MRS2: variants seen among roughly 807,000 people sequenced by gnomAD.
MRS2 encodes the protein magnesium transporter MRS2 homolog, mitochondrial.
A neutral mutation model predicts 52.6 loss-of-function variants in MRS2; 40 were observed. That is an observed-to-expected ratio of 0.76 (90% CI 0.59 to 0.99). The LOEUF (loss-of-function observed/expected upper bound fraction) is 0.99, where lower values mean the gene tolerates loss of function less well. Ranked by LOEUF, MRS2 falls within the 50% of genes least tolerant of loss-of-function variation. The probability of loss-of-function intolerance (pLI) is 0.00; values close to 1 mark genes in which losing one functional copy is unlikely to be tolerated. For missense variants in MRS2, 472 were observed against 532.7 expected, an observed-to-expected ratio of 0.89 and a Z score of 1.12; for synonymous variants, 193 against 195.9, an observed-to-expected ratio of 0.98 and a Z score of 0.13.
In MRS2 at chr6:24,418,530, A is replaced by C; in HGVS notation, c.1059A>C (p.Gly353=). 6 of 1,614,002 alleles carry C rather than the reference A, an allele frequency of 3.7e-6. No individual in the cohort carries two copies. Among genetic ancestry groups the C allele is most frequent in the Non-Finnish European group, 5.1e-6 (6 of 1,179,982 alleles). The change falls in exon 9 of 11, where the codon GGA becomes GGC. Residue 353 remains glycine (G), a synonymous_variant. Coordinates refer to ENST00000378386, the MANE Select transcript of MRS2 (RefSeq NM_020662.4). The part of the protein sequence containing the change: ...TMGTFSLSLF[G]LMGVAFGMNL... ...GAACCTTCTCTCTTTCGCTCTTTGG[A>C]CTAATGGGAGTTGCTTTTGGAATGA...
rs745803742 is a variant in MRS2 at position 24,403,094 on chromosome 6, A to G, written c.48A>G (p.Arg16=). 2 of 1,612,194 alleles carry G rather than the reference A, an allele frequency of 1.2e-6. No homozygotes were observed. The highest frequency in any genetic ancestry group is 2.2e-5 in the South Asian group (2 of 91,006). Residue 16 remains arginine (R), a synonymous_variant, in exon 1 of 11, where the codon AGA becomes AGG. Transcript: ENST00000378386. ...SLPCLLPRAM[R]LPRRTLCALA... is the part of the protein sequence containing the mutation. ...CCTGCCTCCTGCCCCGCGCGATGAG[A>G]CTTCCCCGGCGGACGCTGTGTGCCC... is the stretch of plus-strand genomic sequence containing the variant.
chr6:24,416,321 T>C lies in MRS2; in HGVS notation c.720-76T>C, dbSNP rs1581705149. 6.2e-6 allele frequency: 4 copies of C among 650,008 alleles called. No homozygotes were observed. In the East Asian group the frequency reaches 8.4e-5, roughly 14 times the overall value. 40.3% of individuals were successfully genotyped at this position (650,008 alleles called of 1,614,324 possible). ...GTATAAGATAATATATTTGATAAGA[T>C]ACTCTAAAAACACTATTATGAAATG... On this transcript the variant is annotated intron_variant, in intron 6 of 10. Coordinates refer to ENST00000378386, the MANE Select transcript of MRS2 (RefSeq NM_020662.4).
chr6:24,408,335 C>A, intron 2 of MRS2, 73 bp from the exon 3 acceptor site: 2 of 966,804 alleles, frequency 2.1e-6, no homozygotes, highest in Non-Finnish European at 3.3e-6. Context: ...AAATTCTTAA[C>A]TAAATTAGCA....
At chr6:24,410,363 C>T (rs2127286462) in intron 4 of MRS2, among the ~76,000 whole-genome samples, 1 of 152,226 alleles carries the variant, frequency 6.6e-6, no homozygotes, top group African/African-American at 2.4e-5. Flanking sequence ...AATAATTTGA[C>T]TTTCTTTAGT....
In MRS2 at chr6:24,416,513, T is replaced by C. The variant is rs1761855277; in HGVS notation, c.836T>C (p.Phe279Ser). The C allele has an allele frequency of 7.2e-7, 1 of 1,383,716 alleles. No individual in the cohort carries two copies. The highest frequency in any genetic ancestry group is 1.8e-5 in the Admixed American group (1 of 56,404). The allele number at this position is 1,383,716 out of a possible 1,614,324, so 85.7% of individuals were successfully genotyped here. A position where few individuals can be genotyped will look rare whatever the true frequency, so the allele number is the denominator to read the frequency against. The change falls in exon 7 of 11, where the codon TTT (phenylalanine) becomes TCT (serine). Residue 279 changes from phenylalanine (F) to serine (S), a missense_variant and splice_region_variant. By Grantham distance (155) the Phe-to-Ser change is radical. Transcript: ENST00000378386. ...CVSKWSDPQVFEKSSAGIDHA... is the reference protein window; with the variant it reads ...CVSKWSDPQVSEKSSAGIDHA... Reference sequence around the variant, plus strand: ...TCAAAATGGAGTGACCCACAAGTCTTGTAAGTATATAATTATACTTTGTTA... The same window carrying C: ...TCAAAATGGAGTGACCCACAAGTCTCGTAAGTATATAATTATACTTTGTTA...
chr6:24,407,994 A>C (rs778091770), intron 2 of MRS2, among the ~76,000 whole-genome samples: 63 of 152,294 alleles, frequency 4.1e-4, no homozygotes, highest in Non-Finnish European at 6.9e-4. Context: ...ACATGGCCAC[A>C]AGAGCCACCA....
At chr6:24,405,517 A>G (rs1761438004) in intron 2 of MRS2, among the ~76,000 whole-genome samples, 1 of 152,090 alleles carries the variant, frequency 6.6e-6, no homozygotes, top group African/African-American at 2.4e-5. Flanking sequence ...ATGTTCTGCA[A>G]GATAATACGC....
intron 6 of MRS2, among the ~76,000 whole-genome samples, chr6:24,415,380 T>TGAA (rs1451723714): frequency 2.0e-5 from 3 of 152,200 alleles, no homozygotes; most frequent in Non-Finnish European, 2.9e-5. Context: ...CATCACCCAT[T>TGAA]CAATAGTTGA....
At chr6:24,405,314 G>A (rs1339408745) in intron 2 of MRS2, 73 bp downstream of exon 2, 5 of 1,096,258 alleles carry the variant, frequency 4.6e-6, no homozygotes, top group Non-Finnish European at 7.0e-6. Flanking sequence ...TTGGACTGTT[G>A]GCCAAGATAC....
intron 4 of MRS2, among the ~76,000 whole-genome samples, chr6:24,411,872 T>G (rs572968127): frequency 2.1e-4 from 31 of 151,170 alleles, no homozygotes; most frequent in African/African-American, 6.8e-4. Flanking sequence ...TTTTTTTGTT[T>G]TTGTTTTTTT....
At chr6:24,403,993 T>C (rs1026124124) in intron 1 of MRS2, among the ~76,000 whole-genome samples, 1 of 152,234 alleles carries the variant, frequency 6.6e-6, no homozygotes, top group Non-Finnish European at 1.5e-5. Flanking sequence ...TGTTGAAGCA[T>C]GGTGAAAAGT....
chr6:24,420,513 C>G (rs1467981013), intron 9 of MRS2, among the ~76,000 whole-genome samples: 5 of 152,202 alleles, frequency 3.3e-5, no homozygotes, highest in Non-Finnish European at 7.3e-5. Flanking sequence ...ATACCAAGCA[C>G]TGCTTTAGGC....
intron 4 of MRS2, chr6:24,410,787 G>A (rs1343904334): frequency 1.3e-6 from 2 of 1,510,444 alleles, no homozygotes; most frequent in African/African-American, 1.4e-5. Flanking sequence ...CTCTTTCATG[G>A]AGAGACAGAC....
In MRS2 at chr6:24,416,742, AAC is replaced by A. The variant is rs1234008411; in HGVS notation, c.836+235_836+236del. 7.2e-5 allele frequency among the ~76,000 whole-genome samples: 11 copies of A among 152,198 alleles called. No homozygotes were observed. In the East Asian group the frequency reaches 1.2e-3, roughly 16 times the overall value. On this transcript the variant is annotated intron_variant, in intron 7 of 10. Transcript: ENST00000378386. ...ACACTGCTGACATGTGGTGAATATA[AAC>A]ACACAGTTACCTTTATATTCAAGGG...
chr6:24,408,859 C>T (rs1204344104), intron 3 of MRS2, among the ~76,000 whole-genome samples: 1 of 152,146 alleles, frequency 6.6e-6, no homozygotes, highest in Admixed American at 6.5e-5. Flanking sequence ...AAAAGATGAA[C>T]AGGGCCATGT....
Position 24,418,055 on chromosome 6 carries a change from A to G in MRS2, c.837-29A>G, listed in dbSNP as rs190278916. 1.0e-3 allele frequency: 1,668 copies of G among 1,593,796 alleles called. 9 individuals carry two copies. The Middle Eastern group carries it at 0.013, about 13-fold the overall frequency. On this transcript the variant is annotated intron_variant, in intron 7 of 10. Coordinates refer to ENST00000378386, the MANE Select transcript of MRS2 (RefSeq NM_020662.4). ...AGTATATGATACACATGTTGGGAGT[A>G]TGTTAATTATTTTCTCTTTTAATTG...
chr6:24,411,552 AAAAG>A (rs1453425642), intron 4 of MRS2, among the ~76,000 whole-genome samples: 1 of 151,996 alleles, frequency 6.6e-6, no homozygotes, highest in Non-Finnish European at 1.5e-5. Context: ...TTTTTTCCAA[AAAAG>A]AAAGACGGAG....
At chr6:24,405,667 C>T (rs928901100) in intron 2 of MRS2, among the ~76,000 whole-genome samples, 2 of 150,880 alleles carry the variant, frequency 1.3e-5, no homozygotes, top group East Asian at 3.9e-4. Flanking sequence ...ATGTATCACA[C>T]GTATTTTTAG....
At chr6:24,414,387 C>G (rs565582283) in intron 5 of MRS2, among the ~76,000 whole-genome samples, 2 of 152,078 alleles carry the variant, frequency 1.3e-5, no homozygotes, top group African/African-American at 4.8e-5. Flanking sequence ...ATCTGTTTAA[C>G]AAAGCACATC....
Sources: gnomAD v4.1 joint callset for allele counts (sites outside exome capture counted in the v4.1 genomes callset) on GRCh38, gnomAD v4.1.1 for gene constraint, MANE v1.5 for transcripts, NCBI Gene and HGNC (gene_info 2026-07-23, HGNC 2026-07-21) for gene names.